Variants in GALNT9 observed in about 807,000 individuals in gnomAD.
GALNT9 encodes the protein polypeptide N-acetylgalactosaminyltransferase 9.
GALNT9 carries 47 observed loss-of-function variants against 63.1 expected under a neutral mutation model. The observed-to-expected ratio is 0.75, with a 90% confidence interval of 0.59 to 0.95. GALNT9 has a LOEUF of 0.95. Ranked by LOEUF, GALNT9 falls within the 40% of genes least tolerant of loss-of-function variation. GALNT9 has a pLI of 0.00. For missense variants in GALNT9, 829 were observed against 874.8 expected, an observed-to-expected ratio of 0.95 and a Z score of 0.66; for synonymous variants, 396 against 365.7, an observed-to-expected ratio of 1.08 and a Z score of -0.94.
chr12:132,226,865 A>C (rs1877713570), intron 6 of GALNT9, among the ~76,000 whole-genome samples: 1 of 149,020 alleles, frequency 6.7e-6, no homozygotes, highest in African/African-American at 2.5e-5. Flanking sequence ...TACACTGTAC[A>C]TACACACCCC....
chr12:132,314,165 C>A (rs1222716029), intron 1 of GALNT9, among the ~76,000 whole-genome samples: 2 of 139,630 alleles, frequency 1.4e-5, no homozygotes, highest in Non-Finnish European at 3.1e-5. Flanking sequence ...CTTCCATCCA[C>A]CTACCCACCA....
At chr12:132,214,357 T>G (rs1877095390) in intron 6 of GALNT9, among the ~76,000 whole-genome samples, 1 of 152,208 alleles carries the variant, frequency 6.6e-6, no homozygotes, top group African/African-American at 2.4e-5. Context: ...TTTCTGTATC[T>G]GATGCTTTGA....
chr12:132,214,420 C>T (rs938483985), intron 6 of GALNT9, among the ~76,000 whole-genome samples: 5 of 152,214 alleles, frequency 3.3e-5, no homozygotes, highest in East Asian at 3.8e-4. Flanking sequence ...TGAGTGATTT[C>T]CTAGAGCTAG....
intron 6 of GALNT9, among the ~76,000 whole-genome samples, chr12:132,228,507 C>T (rs978434321): frequency 2.0e-5 from 3 of 151,216 alleles, no homozygotes; most frequent in African/African-American, 2.5e-5. Context: ...GCTCCCTCCC[C>T]AGAGGAAGGG....
At chr12:132,268,864 G>A (rs1879756452) in intron 2 of GALNT9, among the ~76,000 whole-genome samples, 1 of 152,248 alleles carries the variant, frequency 6.6e-6, no homozygotes, top group South Asian at 2.1e-4. Flanking sequence ...CTGACGTGCA[G>A]CCGACGTACA....
chr12:132,294,349 C>T (rs1051505379), intron 1 of GALNT9, among the ~76,000 whole-genome samples: 1 of 152,226 alleles, frequency 6.6e-6, no homozygotes, highest in African/African-American at 2.4e-5. Context: ...CCTCCGTGAA[C>T]AGCAGCCTGA....
rs1369476515 is a variant in GALNT9 at position 132,282,569 on chromosome 12, T to C, written c.419+3681A>G. On this transcript the variant is annotated intron_variant, in intron 2 of 10. Transcript: ENST00000328957. This position sits in a 1 kb window ranked among gnomAD's most constrained non-coding sequence, Gnocchi z 4.5. ...CCTTCTTGGGTTTCGTGAGGGACCC[T>C]GGAAGCTCCAAGCTCTCCCCTCTTG... is the stretch of plus-strand genomic sequence containing the variant. 1.3e-5 allele frequency among the ~76,000 whole-genome samples: 2 copies of C among 152,140 alleles called. No individual in the cohort carries two copies. Among genetic ancestry groups the C allele is most frequent in the Non-Finnish European group, 2.9e-5 (2 of 68,028 alleles).
chr12:132,204,299 C>T (rs1366825502), intron 6 of GALNT9, among the ~76,000 whole-genome samples: 1 of 152,204 alleles, frequency 6.6e-6, no homozygotes, highest in Non-Finnish European at 1.5e-5. Context: ...CCTTCCTATA[C>T]GTGCTCTTTC....
Position 132,219,182 on chromosome 12 carries a change from G to T in GALNT9, c.1078-15492C>A, listed in dbSNP as rs528896442. Among the ~76,000 whole-genome samples, 6 of 152,222 alleles carry T rather than the reference G, an allele frequency of 3.9e-5. No homozygotes were observed. In the South Asian group the frequency reaches 1.2e-3, roughly 32 times the overall value. On this transcript the variant is annotated intron_variant, in intron 6 of 10. Coordinates refer to ENST00000328957, the MANE Select transcript of GALNT9 (RefSeq NM_001122636.2). ...ACACCTGGTGGCTTTTTCTGTGATTGCTTCTGTCCTCAAACAGATGAGGAT... is the reference window on the plus strand; with the variant it reads ...ACACCTGGTGGCTTTTTCTGTGATTTCTTCTGTCCTCAAACAGATGAGGAT...
intron 6 of GALNT9, among the ~76,000 whole-genome samples, chr12:132,217,499 C>CCCAT (rs778976866): frequency 6.6e-6 from 1 of 151,028 alleles, no homozygotes; most frequent in South Asian, 2.1e-4. Context: ...TGCATCCCCA[C>CCCAT]CCATCCATCC....
intron 1 of GALNT9, among the ~76,000 whole-genome samples, chr12:132,312,935 C>A (rs1309421646): frequency 1.3e-5 from 2 of 152,246 alleles, no homozygotes; most frequent in African/African-American, 4.8e-5. Context: ...TGGGACCCAA[C>A]CTGCCTTCCT....
chr12:132,208,545 G>A (rs578093182), intron 6 of GALNT9, among the ~76,000 whole-genome samples: 3 of 152,198 alleles, frequency 2.0e-5, no homozygotes, highest in Non-Finnish European at 2.9e-5. Context: ...CACTCACACC[G>A]ATCTCTGTCT....
At position 132,304,206 on chromosome 12, in the gene GALNT9, C is replaced by T. The variant is rs1219541506; in HGVS notation, c.239-17776G>A. Among the ~76,000 whole-genome samples the T allele has an allele frequency of 5.5e-5, 2 of 36,556 alleles. 1 individual carries two copies. The highest frequency in any genetic ancestry group is 1.0e-4 in the Non-Finnish European group (2 of 20,022). 24.0% of individuals were successfully genotyped at this position (36,556 alleles called of 152,430 possible). ...CCAGACACGCCCTCACCCAGACACG[C>T]CCTCACCTGGGCACATCCTCACCGG... On this transcript the variant is annotated intron_variant, in intron 1 of 10. Coordinates refer to ENST00000328957, the MANE Select transcript of GALNT9 (RefSeq NM_001122636.2).
In GALNT9 at chr12:132,198,144, C is replaced by T. The variant is rs118024843; in HGVS notation, c.1498-185G>A. Reference sequence around the variant, plus strand: ...GCCGGGCAGGGCCCACGTGGGGATGCGGGCTGGACGGCGCCCAAATGCTCC... The same window carrying T: ...GCCGGGCAGGGCCCACGTGGGGATGTGGGCTGGACGGCGCCCAAATGCTCC... On this transcript the variant is annotated intron_variant, in intron 9 of 10. Coordinates refer to ENST00000328957, the MANE Select transcript of GALNT9 (RefSeq NM_001122636.2). Among the ~76,000 whole-genome samples, 867 of 152,344 alleles carry T rather than the reference C, an allele frequency of 5.7e-3. 28 individuals carry two copies. The South Asian group carries it at 0.094, about 17-fold the overall frequency.
intron 7 of GALNT9, among the ~76,000 whole-genome samples, chr12:132,201,829 C>T (rs1391719892): frequency 1.3e-5 from 2 of 152,236 alleles, no homozygotes; most frequent in African/African-American, 4.8e-5. Context: ...CCTCTGCTGA[C>T]TTTGACCCGT....
chr12:132,201,340 T>A, intron 7 of GALNT9, 79 bp from the exon 8 acceptor site: 1 of 968,332 alleles, frequency 1.0e-6, no homozygotes. Context: ...GTTGGGGGTC[T>A]CCAGGGACCA....
At chr12:132,201,776 G>T (rs1216525089) in intron 7 of GALNT9, among the ~76,000 whole-genome samples, 2 of 152,204 alleles carry the variant, frequency 1.3e-5, no homozygotes, top group Non-Finnish European at 2.9e-5. Context: ...ACACCTGAGA[G>T]CTTGTACCTG....
chr12:132,268,435 A>G (rs1342527640), intron 2 of GALNT9, among the ~76,000 whole-genome samples: 1 of 152,200 alleles, frequency 6.6e-6, no homozygotes, highest in Non-Finnish European at 1.5e-5. Flanking sequence ...CCCTAAAACC[A>G]TCAAGTCCCT....
intron 6 of GALNT9, among the ~76,000 whole-genome samples, chr12:132,226,269 A>T (rs2135523652): frequency 6.7e-6 from 1 of 150,162 alleles, no homozygotes; most frequent in Non-Finnish European, 1.5e-5. Flanking sequence ...CACGGTACAT[A>T]CACACCCCAC....
Sources: gnomAD v4.1 joint callset for allele counts (sites outside exome capture counted in the v4.1 genomes callset) on GRCh38, gnomAD v4.1.1 for gene constraint, Gnocchi (gnomAD v3.1) non-coding constraint, MANE v1.5 for transcripts, NCBI Gene and HGNC (gene_info 2026-07-23, HGNC 2026-07-21) for gene names.